Variants in PKD1L1 observed in about 807,000 individuals in gnomAD.
PKD1L1 encodes the protein polycystin 1 like 1, transient receptor potential channel interacting, also known as polycystin-1-like protein 1.
PKD1L1 carries 236 observed loss-of-function variants against 323.4 expected under a neutral mutation model. The ratio of observed to expected loss-of-function variants is 0.73; its 90% CI spans 0.66 to 0.81. The LOEUF (loss-of-function observed/expected upper bound fraction) is 0.81, where lower values mean the gene tolerates loss of function less well. Among genes scored for constraint, PKD1L1 ranks in the 40% least tolerant of loss-of-function variants. PKD1L1 has a pLI of 0.00. For missense variants in PKD1L1, 3,320 were observed against 3,508.0 expected, an observed-to-expected ratio of 0.95 and a Z score of 1.35; for synonymous variants, 1,344 against 1,335.0, an observed-to-expected ratio of 1.01 and a Z score of -0.15.
intron 16 of PKD1L1, among the ~76,000 whole-genome samples, chr7:47,888,734 C>T (rs948229455): frequency 6.6e-6 from 1 of 152,174 alleles, no homozygotes; most frequent in African/African-American, 2.4e-5. Flanking sequence ...GCCCACAGCC[C>T]GGCGCCCACC....
intron 1 of PKD1L1, among the ~76,000 whole-genome samples, chr7:47,944,129 T>C (rs1309060571): frequency 9.9e-5 from 15 of 152,240 alleles, no homozygotes; most frequent in Admixed American, 7.8e-4. Flanking sequence ...GCAAATCTCA[T>C]GTTGAATTGT....
chr7:47,939,879 GGA>G (rs1787948158), intron 3 of PKD1L1, among the ~76,000 whole-genome samples: 1 of 151,364 alleles, frequency 6.6e-6, no homozygotes, highest in East Asian at 1.9e-4. Flanking sequence ...TTCCCACCTG[GGA>G]GGCAGCCCCT....
chr7:47,884,064 G>A (rs965651540), intron 19 of PKD1L1, among the ~76,000 whole-genome samples: 1 of 152,128 alleles, frequency 6.6e-6, no homozygotes, highest in Non-Finnish European at 1.5e-5. Flanking sequence ...TCCTGGAAGA[G>A]CTCAGAGCAG....
intron 55 of PKD1L1, among the ~76,000 whole-genome samples, chr7:47,793,398 C>T (rs1786999465): frequency 6.6e-6 from 1 of 152,040 alleles, no homozygotes; most frequent in Non-Finnish European, 1.5e-5. Context: ...TGGTCTTTCC[C>T]GTGCTATTCT....
At chr7:47,805,655 T>C (rs142629604) in intron 52 of PKD1L1, among the ~76,000 whole-genome samples, 1 of 152,342 alleles carries the variant, frequency 6.6e-6, no homozygotes, top group Non-Finnish European at 1.5e-5. Context: ...CCTTGAGCAC[T>C]CCTGGGTCAG....
chr7:47,836,223 G>A (rs1184170688), intron 37 of PKD1L1, among the ~76,000 whole-genome samples: 2 of 152,154 alleles, frequency 1.3e-5, no homozygotes, highest in African/African-American at 4.8e-5. Flanking sequence ...TCATAAAGGA[G>A]CCACTATGCC....
intron 17 of PKD1L1, among the ~76,000 whole-genome samples, chr7:47,887,036 T>C (rs1256988488): frequency 1.5e-5 from 2 of 135,554 alleles, no homozygotes; most frequent in Non-Finnish European, 3.3e-5. Flanking sequence ...TTGCTGAAAG[T>C]CTAACCACTG....
At chr7:47,837,902 A>G (rs1301359491) in intron 36 of PKD1L1, among the ~76,000 whole-genome samples, 2 of 152,242 alleles carry the variant, frequency 1.3e-5, no homozygotes, top group African/African-American at 4.8e-5. Context: ...GAATGAGAAT[A>G]TATCTTCTTT....
Position 47,890,711 on chromosome 7 carries a change from A to T in PKD1L1, c.2506T>A (p.Ser836Thr). 1.2e-6 allele frequency: 2 copies of T among 1,613,404 alleles called. No individual in the cohort carries two copies. The highest frequency in any genetic ancestry group is 1.7e-6 in the Non-Finnish European group (2 of 1,180,024). Residue 836 changes from serine (S) to threonine (T), a missense_variant, in exon 16 of 57, where the codon TCC (serine) becomes ACC (threonine). Coordinates refer to ENST00000289672, the MANE Select transcript of PKD1L1 (RefSeq NM_138295.5). ...AGSPAHPCFDSSTAHQLDAAA... is the reference protein window; with the variant it reads ...AGSPAHPCFDTSTAHQLDAAA... ...GCATCCAGTTGGTGTGCAGTGGAGG[A>T]GTCGAAGCAGGGATGTGCTGGGGAG... is the stretch of plus-strand genomic sequence containing the variant.
At chr7:47,896,630 T>G (rs1043355579) in intron 14 of PKD1L1, among the ~76,000 whole-genome samples, 6 of 152,112 alleles carry the variant, frequency 3.9e-5, no homozygotes, top group Non-Finnish European at 8.8e-5. Flanking sequence ...AAGACCTTAT[T>G]TATCTCCAAA....
intron 36 of PKD1L1, among the ~76,000 whole-genome samples, chr7:47,838,278 G>A (rs868557693): frequency 2.6e-5 from 4 of 152,190 alleles, no homozygotes; most frequent in East Asian, 1.9e-4. Flanking sequence ...TCTCATCAAC[G>A]CAGGTGGCAA....
chr7:47,872,146 C>CTTTTG (rs997486560), intron 24 of PKD1L1, among the ~76,000 whole-genome samples: 32 of 152,146 alleles, frequency 2.1e-4, no homozygotes, highest in Admixed American at 1.2e-3. Flanking sequence ...TCCCAGTTAG[C>CTTTTG]TTTTGTTTTG....
intron 56 of PKD1L1, among the ~76,000 whole-genome samples, chr7:47,780,132 A>T (rs140299403): frequency 0.012 from 1,778 of 152,232 alleles, 20 homozygotes; most frequent in Non-Finnish European, 0.015. Context: ...CTCAATGGTC[A>T]CATCTTGCAA....
rs56186926 is a variant in PKD1L1, at chr7:47,943,163, A to C, written c.160+233T>G. 3.8e-4 allele frequency among the ~76,000 whole-genome samples: 13 copies of C among 34,144 alleles called. 1 individual carries two copies. Among genetic ancestry groups the C allele is most frequent in the East Asian group, 1.2e-3 (1 of 804 alleles). 22.4% of individuals were successfully genotyped at this position (34,144 alleles called of 152,430 possible). A position where few individuals can be genotyped will look rare whatever the true frequency, so the allele number is the denominator to read the frequency against. ...TCCGTCTCAAAAAAAAAAAAAAAAA[A>C]ATATATATATATATATATATATATA... On this transcript the variant is annotated intron_variant, in intron 2 of 56. Transcript: ENST00000289672.
Position 47,817,108 on chromosome 7 carries a change from G to A in PKD1L1, c.6966-1651C>T, listed in dbSNP as rs117230018. Among the ~76,000 whole-genome samples, 2,332 of 152,220 alleles carry A rather than the reference G, an allele frequency of 0.015. 147 individuals are homozygous for A. The East Asian group carries it at 0.21, about 14-fold the overall frequency. ...AAAAATTAGCTGGGCGTGATGGTAC[G>A]CGCCTGTAATCCCAGCTACTCAGGA... On this transcript the variant is annotated intron_variant, in intron 46 of 56. Transcript: ENST00000289672.
chr7:47,957,041 A>G, the PKD1L1 span: 3 of 153,444 alleles, frequency 2.0e-5, no homozygotes, highest in African/African-American at 7.2e-5. Flanking sequence ...CAGATGATGT[A>G]TAAGTGGCTA....
chr7:47,948,365 T>C (rs1410995247), intron 1 of PKD1L1, 32 bp downstream of exon 1: 18 of 1,613,282 alleles, frequency 1.1e-5, no homozygotes, highest in Middle Eastern at 3.3e-4. Flanking sequence ...AAATCAAGCT[T>C]ACCAAACCCT....
chr7:47,889,049 G>GGA (rs2128748355), intron 16 of PKD1L1, among the ~76,000 whole-genome samples: 1 of 152,218 alleles, frequency 6.6e-6, no homozygotes, highest in African/African-American at 2.4e-5. Flanking sequence ...AGCCATGGTG[G>GGA]GAGAGGCCAC....
Position 47,885,837 on chromosome 7 carries a change from C to T in PKD1L1, c.3054G>A (p.Trp1018Ter), listed in dbSNP as rs1487312083. 4 of 1,614,088 alleles carry T rather than the reference C, an allele frequency of 2.5e-6. No homozygotes were observed. The highest frequency in any genetic ancestry group is 3.4e-6 in the Non-Finnish European group (4 of 1,180,054). Residue 1018 changes from tryptophan to a stop codon, truncating the protein, a stop_gained, in exon 18 of 57, where the codon TGG becomes TGA. Coordinates refer to ENST00000289672, the MANE Select transcript of PKD1L1 (RefSeq NM_138295.5). LOFTEE classifies it high-confidence loss of function. ...CTGCAGAGTCCCCCGCAGGAGGAAT[C>T]CAGTAGACTCCAGTCATGGGCTCTG... The part of the protein sequence containing the change: ...TPTEPMTGVY[W>*]IPPAGDSAVL...
Sources: gnomAD v4.1 joint callset for allele counts (sites outside exome capture counted in the v4.1 genomes callset) on GRCh38, gnomAD v4.1.1 for gene constraint, MANE v1.5 for transcripts, NCBI Gene and HGNC (gene_info 2026-07-23, HGNC 2026-07-21) for gene names.